The following CORO2A variants were observed in gnomAD, a reference collection of about 807,000 sequenced individuals.
The protein encoded by CORO2A is coronin 2A.
Under a neutral mutation model 62.4 loss-of-function variants are expected in CORO2A, and 47 were observed. The observed-to-expected ratio is 0.75, with a 90% CI of 0.60 to 0.96. CORO2A has a LOEUF of 0.96. CORO2A is among the 40% of genes least tolerant of loss of function. The pLI is 0.00. For synonymous variants in CORO2A, 273 were observed against 268.9 expected (o/e 1.02, Z -0.15); for missense variants, 610 against 684.1 (o/e 0.89, Z 1.21).
At chr9:98,161,620 G>A (rs550628124) in intron 1 of CORO2A, among the ~76,000 whole-genome samples, 2 of 152,046 alleles carry the variant, frequency 1.3e-5, no homozygotes, top group African/African-American at 2.4e-5. Flanking sequence ...TAATTTTCAG[G>A]TTTTCCTCTG....
intron 1 of CORO2A, among the ~76,000 whole-genome samples, chr9:98,191,225 C>G (rs1168121220): frequency 6.6e-6 from 1 of 152,194 alleles, no homozygotes; most frequent in African/African-American, 2.4e-5. Flanking sequence ...AGAGGGGCTC[C>G]GGCTCTCCTC....
Position 98,157,531 on chromosome 9 carries a change from T to TCACGG in CORO2A, c.125_129dup (p.Asn44ProfsTer2). On this transcript the variant is annotated frameshift_variant, in exon 2 of 12. Coordinates refer to ENST00000375077, the MANE Select transcript of CORO2A (RefSeq NM_052820.4). LOFTEE classifies it high-confidence loss of function. ...GTCACAACTGCAATGAAGTGGGGGT[T>TCACGG]CACGGCACAGAAGTGGTTGTCGTGA... 1 of 1,614,174 alleles carries TCACGG rather than the reference T, an allele frequency of 6.2e-7. No individual in the cohort carries two copies. Among genetic ancestry groups the TCACGG allele is most frequent in the Non-Finnish European group, 8.5e-7 (1 of 1,180,038 alleles).
rs547862752 is a variant in CORO2A, at chr9:98,148,472, G to A, written c.201+8988C>T. 4.0e-5 allele frequency among the ~76,000 whole-genome samples: 6 copies of A among 151,734 alleles called. No individual in the cohort carries two copies. In the South Asian group the frequency reaches 1.3e-3, roughly 32 times the overall value. On this transcript the variant is annotated intron_variant, in intron 2 of 11. Transcript: ENST00000375077. ...AGAAGGAACACATAATTGAGGCCAG[G>A]TGCAGTGGCTCATACCTGTAATTCC...
At chr9:98,158,112 T>C (rs1439249881) in intron 1 of CORO2A, among the ~76,000 whole-genome samples, 2 of 152,214 alleles carry the variant, frequency 1.3e-5, no homozygotes, top group African/African-American at 4.8e-5. Context: ...ACTTAACCTC[T>C]GGAGTCTCAG....
intron 7 of CORO2A, among the ~76,000 whole-genome samples, 176 bp from the exon 8 acceptor site, chr9:98,130,066 G>A (rs1827383210): frequency 6.6e-6 from 1 of 152,086 alleles, no homozygotes; most frequent in Non-Finnish European, 1.5e-5. Flanking sequence ...GGGTGATGAG[G>A]GGATATTCAT....
intron 3 of CORO2A, among the ~76,000 whole-genome samples, 155 bp from the exon 4 acceptor site, chr9:98,135,110 G>C (rs1216212007): frequency 6.6e-6 from 1 of 152,196 alleles, no homozygotes; most frequent in Non-Finnish European, 1.5e-5. Flanking sequence ...TTGAGGGGCA[G>C]TGGAGGGGCA....
At chr9:98,175,047 A>G (rs1204874799) in intron 1 of CORO2A, among the ~76,000 whole-genome samples, 1 of 152,150 alleles carries the variant, frequency 6.6e-6, no homozygotes, top group East Asian at 1.9e-4. Flanking sequence ...TGGCAGCTAC[A>G]TCTCTGCTTC....
At chr9:98,182,670 C>T (rs1450444852) in intron 1 of CORO2A, among the ~76,000 whole-genome samples, 1 of 152,206 alleles carries the variant, frequency 6.6e-6, no homozygotes, top group Non-Finnish European at 1.5e-5. Flanking sequence ...CGTGACCTTG[C>T]AAATTTACTC....
intron 1 of CORO2A, among the ~76,000 whole-genome samples, chr9:98,183,636 T>C (rs896751994): frequency 1.3e-5 from 2 of 152,010 alleles, no homozygotes; most frequent in African/African-American, 2.4e-5. Flanking sequence ...AAAATAACAA[T>C]ACAACAATTA....
intron 1 of CORO2A, among the ~76,000 whole-genome samples, chr9:98,185,063 A>T (rs998438316): frequency 6.6e-6 from 1 of 152,160 alleles, no homozygotes; most frequent in Non-Finnish European, 1.5e-5. Context: ...TGACTGACCC[A>T]ATATCTTCCC....
At chr9:98,181,497 T>C (rs1458622850) in intron 1 of CORO2A, among the ~76,000 whole-genome samples, 1 of 152,022 alleles carries the variant, frequency 6.6e-6, no homozygotes, top group Non-Finnish European at 1.5e-5. Flanking sequence ...TTAAACTTGG[T>C]CATTTAGTCT....
At chr9:98,128,122 G>C (rs373658313) in intron 10 of CORO2A, 48 bp downstream of exon 10, 9 of 1,492,942 alleles carry the variant, frequency 6.0e-6, no homozygotes, top group East Asian at 4.5e-5. Flanking sequence ...CACTGGGCAC[G>C]CCATGTTCCT....
intron 1 of CORO2A, among the ~76,000 whole-genome samples, chr9:98,185,557 T>C (rs898571117): frequency 1.3e-5 from 2 of 152,188 alleles, no homozygotes; most frequent in Non-Finnish European, 2.9e-5. Context: ...TCGTATCTGA[T>C]TTCTCAGGCA....
rs751432213 is a variant in CORO2A at position 98,178,806 on chromosome 9, T to C, written c.-1+13753A>G. On this transcript the variant is annotated intron_variant, in intron 1 of 11. Transcript: ENST00000375077. ...CTTGCATAGATCACTTTGGAGGCAATTGGGATAGAAGATGAAGAGAGTCGG... is the reference window on the plus strand; with the variant it reads ...CTTGCATAGATCACTTTGGAGGCAACTGGGATAGAAGATGAAGAGAGTCGG... Among the ~76,000 whole-genome samples, 50 of 152,294 alleles carry C rather than the reference T, an allele frequency of 3.3e-4. 1 individual carries two copies. The highest frequency in any genetic ancestry group is 3.4e-3 in the Middle Eastern group (1 of 294).
chr9:98,156,597 C>A (rs1314107977), intron 2 of CORO2A, among the ~76,000 whole-genome samples: 1 of 152,170 alleles, frequency 6.6e-6, no homozygotes, highest in East Asian at 1.9e-4. Context: ...TTATTGATTT[C>A]TAACTCAATT....
At chr9:98,163,106 T>G (rs1466625424) in intron 1 of CORO2A, among the ~76,000 whole-genome samples, 1 of 152,246 alleles carries the variant, frequency 6.6e-6, no homozygotes, top group Non-Finnish European at 1.5e-5. Flanking sequence ...CCTGATGCCA[T>G]GGGATTAGGC....
chr9:98,173,275 A>G (rs945821147), intron 1 of CORO2A, among the ~76,000 whole-genome samples: 1 of 152,108 alleles, frequency 6.6e-6, no homozygotes. Context: ...CCCAGGGGCC[A>G]CTCTTTGAGA....
chr9:98,127,037 T>A, intron 10 of CORO2A: 1 of 608,206 alleles, frequency 1.6e-6, no homozygotes, highest in Non-Finnish European at 2.9e-6. Context: ...AGAGTGAAGC[T>A]TGGTTTGTAG....
At chr9:98,163,462 T>A (rs1827913826) in intron 1 of CORO2A, among the ~76,000 whole-genome samples, 1 of 152,218 alleles carries the variant, frequency 6.6e-6, no homozygotes, top group Non-Finnish European at 1.5e-5. Flanking sequence ...AGTGCTGAGA[T>A]TACAGGCGTA....
Sources: gnomAD v4.1 joint callset for allele counts (sites outside exome capture counted in the v4.1 genomes callset) on GRCh38, gnomAD v4.1.1 for gene constraint, MANE v1.5 for transcripts, NCBI Gene and HGNC (gene_info 2026-07-23, HGNC 2026-07-21) for gene names.